Variants in TNPO1 observed in about 807,000 individuals in gnomAD.
TNPO1 encodes transportin 1.
A neutral mutation model predicts 119.5 loss-of-function variants in TNPO1; 8 were observed. That is an observed-to-expected ratio of 0.07 (90% CI 0.04 to 0.12). TNPO1 has a LOEUF of 0.12. Among genes scored for constraint, TNPO1 ranks in the 10% least tolerant of loss-of-function variants. The probability of loss-of-function intolerance (pLI) is 1.00; values close to 1 mark genes in which losing one functional copy is unlikely to be tolerated. For missense variants in TNPO1, 576 were observed against 1,089.8 expected, an observed-to-expected ratio of 0.53 and a Z score of 6.64; for synonymous variants, 362 against 363.0, an observed-to-expected ratio of 1.00 and a Z score of 0.03.
chr5:72,821,232 G>A (rs1411325356), intron 1 of TNPO1, among the ~76,000 whole-genome samples: 7 of 152,038 alleles, frequency 4.6e-5, no homozygotes, highest in Non-Finnish European at 8.8e-5. Context: ...AGATGACTCC[G>A]AAGCCATTAG....
intron 22 of TNPO1, 74 bp from the exon 23 acceptor site, chr5:72,903,615 TCTATTGTGACATAAACTCTG>T: frequency 1.3e-6 from 1 of 783,226 alleles, no homozygotes; most frequent in Non-Finnish European, 2.1e-6. Context: ...TAAGCTAGAT[TCTATTGTGACATAAACTCTG>T]AGGTTTACAT....
At chr5:72,848,335 C>T (rs759275876) in intron 1 of TNPO1, 50 bp from the exon 2 acceptor site, 6 of 1,558,084 alleles carry the variant, frequency 3.9e-6, no homozygotes, top group East Asian at 2.4e-5. Flanking sequence ...GGCCTGTGCA[C>T]CGGGAGTAAC....
At chr5:72,820,941 G>T (rs1743930867) in intron 1 of TNPO1, among the ~76,000 whole-genome samples, 1 of 151,942 alleles carries the variant, frequency 6.6e-6, no homozygotes, top group Non-Finnish European at 1.5e-5. Context: ...AATATCTGTG[G>T]GTGCAATTCT....
chr5:72,830,652 G>A (rs1744417507), intron 1 of TNPO1, among the ~76,000 whole-genome samples: 1 of 152,096 alleles, frequency 6.6e-6, no homozygotes, highest in Non-Finnish European at 1.5e-5. Context: ...ATGACCAAGA[G>A]TTAACTGAAG....
chr5:72,901,489 TAATG>T (rs1320841830), intron 22 of TNPO1, among the ~76,000 whole-genome samples: 1 of 152,206 alleles, frequency 6.6e-6, no homozygotes, highest in South Asian at 2.1e-4. Context: ...GATTTAGAAA[TAATG>T]AATAAAATAC....
At chr5:72,839,877 A>G (rs1422116604) in intron 1 of TNPO1, among the ~76,000 whole-genome samples, 1 of 152,190 alleles carries the variant, frequency 6.6e-6, no homozygotes, top group Non-Finnish European at 1.5e-5. Context: ...CCAACCGTTA[A>G]ATCTGTTTTA....
chr5:72,834,400 T>C (rs1339884469), intron 1 of TNPO1, among the ~76,000 whole-genome samples: 2 of 152,242 alleles, frequency 1.3e-5, no homozygotes, highest in Admixed American at 1.3e-4. Flanking sequence ...TTGTTATTGC[T>C]GCTGAAGACC....
At chr5:72,889,199 A>G (rs1156549183) in intron 13 of TNPO1, among the ~76,000 whole-genome samples, 1 of 152,138 alleles carries the variant, frequency 6.6e-6, no homozygotes, top group African/African-American at 2.4e-5. Flanking sequence ...CTGGGACTAC[A>G]GGTGTGCGAC....
chr5:72,893,010 A>C, intron 15 of TNPO1, 129 bp from the exon 16 acceptor site: 1 of 661,194 alleles, frequency 1.5e-6, no homozygotes, highest in East Asian at 2.7e-5. Context: ...GGGGAGGGGA[A>C]CCTGCTACTG....
At chr5:72,858,693 C>T (rs1304930909) in intron 4 of TNPO1, among the ~76,000 whole-genome samples, 6 of 151,978 alleles carry the variant, frequency 3.9e-5, no homozygotes, top group South Asian at 2.1e-4. Flanking sequence ...AAAAATTATC[C>T]GGGTGTGGTG....
chr5:72,839,584 C>A (rs1160100162), intron 1 of TNPO1, among the ~76,000 whole-genome samples: 1 of 152,054 alleles, frequency 6.6e-6, no homozygotes, highest in Non-Finnish European at 1.5e-5. Flanking sequence ...ATAGTATGTT[C>A]TTATGTTTTG....
Position 72,875,814 on chromosome 5 carries a change from G to A in TNPO1, c.801+77G>A. The A allele has an allele frequency of 1.1e-5, 16 of 1,469,006 alleles. 1 individual carries two copies. The South Asian group carries it at 1.9e-4, about 17-fold the overall frequency. 91.0% of individuals were successfully genotyped at this position (1,469,006 alleles called of 1,614,324 possible). ...ACTAGATAGAAAATACAACATACCG[G>A]ATGGGAAGGGGACTATAAAATAGTT... is the stretch of plus-strand genomic sequence containing the variant. On this transcript the variant is annotated intron_variant, in intron 8 of 24. Transcript: ENST00000337273.
rs76046670 is a variant in TNPO1 at position 72,905,892 on chromosome 5, A to G, written c.*35+447A>G. On this transcript the variant is annotated intron_variant, in intron 24 of 24. Coordinates refer to ENST00000337273, the MANE Select transcript of TNPO1 (RefSeq NM_002270.4). ...AGCCTAGGGGACAGAGCAAGACTCC[A>G]TCTCAAATAAATAGAAAATAAAATT... 2.8e-4 allele frequency among the ~76,000 whole-genome samples: 42 copies of G among 152,280 alleles called. No homozygotes were observed. In the East Asian group the frequency reaches 5.6e-3, roughly 20 times the overall value.
chr5:72,896,926 A>G (rs1334919355), intron 19 of TNPO1, 130 bp from the exon 20 acceptor site: 1 of 478,020 alleles, frequency 2.1e-6, no homozygotes, highest in Non-Finnish European at 3.6e-6. Flanking sequence ...AATTGCTTTA[A>G]TTTTAATTAT....
intron 4 of TNPO1, among the ~76,000 whole-genome samples, chr5:72,856,408 T>G (rs2112285118): frequency 6.6e-6 from 1 of 152,090 alleles, no homozygotes; most frequent in African/African-American, 2.4e-5. Context: ...ATTTTTGTAC[T>G]TTTTAGTAGA....
At chr5:72,864,373 T>C (rs1746723362) in intron 5 of TNPO1, among the ~76,000 whole-genome samples, 1 of 152,184 alleles carries the variant, frequency 6.6e-6, no homozygotes, top group African/African-American at 2.4e-5. Context: ...CTATGGAGAA[T>C]AAGCATCAAG....
chr5:72,878,011 G>A lies in TNPO1; in HGVS notation c.920+665G>A, dbSNP rs753416385. ...AAAATTTTAAATATACTATTTAATG[G>A]TTTGTTCTTTTCAGTTATTGTATGC... is the stretch of plus-strand genomic sequence containing the variant. On this transcript the variant is annotated intron_variant, in intron 9 of 24. Transcript: ENST00000337273. 5.9e-5 allele frequency among the ~76,000 whole-genome samples: 9 copies of A among 152,000 alleles called. 1 individual carries two copies. Among genetic ancestry groups the A allele is most frequent in the South Asian group, 4.2e-4 (2 of 4,816 alleles).
Position 72,912,442 on chromosome 5 carries a change from A to G in TNPO1, c.*3769A>G, listed in dbSNP as rs1343831565. ...CTACTCAGTTATAAAATATTCAGAT[A>G]CAAGTTTTATCTCAGGTGAATACTC... On this transcript the variant is annotated 3_prime_UTR_variant, in exon 25 of 25. Transcript: ENST00000337273. The G allele has an allele frequency of 6.6e-6, 1 of 152,498 alleles. No homozygotes were observed. Among genetic ancestry groups the G allele is most frequent in the East Asian group, 1.9e-4 (1 of 5,206 alleles). The allele number at this position is 152,498 out of a possible 1,614,324, so 9.4% of individuals were successfully genotyped here.
intron 1 of TNPO1, among the ~76,000 whole-genome samples, chr5:72,834,005 T>C (rs1453059736): frequency 6.6e-6 from 1 of 152,186 alleles, no homozygotes; most frequent in Non-Finnish European, 1.5e-5. Flanking sequence ...CTCCATTAAC[T>C]ACACTCATGC....
Sources: gnomAD v4.1 joint callset for allele counts (sites outside exome capture counted in the v4.1 genomes callset) on GRCh38, gnomAD v4.1.1 for gene constraint, MANE v1.5 for transcripts, NCBI Gene and HGNC (gene_info 2026-07-23, HGNC 2026-07-21) for gene names.